Variants in DYNC2H1 observed in about 807,000 individuals in gnomAD.
The protein encoded by DYNC2H1 is dynein cytoplasmic 2 heavy chain 1.
A neutral mutation model predicts 570.0 loss-of-function variants in DYNC2H1; 410 were observed. The ratio of observed to expected loss-of-function variants is 0.72; its 90% CI spans 0.66 to 0.78. The LOEUF is 0.78. Ranked by LOEUF, DYNC2H1 falls within the 30% of genes least tolerant of loss-of-function variation. The pLI, the probability that DYNC2H1 is intolerant of heterozygous loss-of-function variation, is 0.00. For missense variants in DYNC2H1, 4,865 were observed against 5,046.4 expected, an observed-to-expected ratio of 0.96 and a Z score of 1.09; for synonymous variants, 1,688 against 1,677.6, an observed-to-expected ratio of 1.01 and a Z score of -0.15.
chr11:103,266,778 C>T (rs1273149353), intron 70 of DYNC2H1, among the ~76,000 whole-genome samples: 2 of 152,064 alleles, frequency 1.3e-5, no homozygotes, highest in African/African-American at 4.8e-5. Context: ...TGCAGGTCCC[C>T]TGGGCACCTG....
chr11:103,219,708 G>T (rs1372326398), intron 55 of DYNC2H1, among the ~76,000 whole-genome samples: 2 of 152,082 alleles, frequency 1.3e-5, no homozygotes, highest in African/African-American at 4.8e-5. Flanking sequence ...AAAAATTAAA[G>T]CACTGAAACC....
At chr11:103,300,199 C>A (rs1264396368) in intron 75 of DYNC2H1, among the ~76,000 whole-genome samples, 1 of 151,850 alleles carries the variant, frequency 6.6e-6, no homozygotes, top group Non-Finnish European at 1.5e-5. Flanking sequence ...TTTTGAACTG[C>A]AAGTTGTTTC....
At chr11:103,282,865 T>A (rs1252814889) in intron 72 of DYNC2H1, 143 bp from the exon 73 acceptor site, 6 of 592,482 alleles carry the variant, frequency 1.0e-5, no homozygotes, top group Admixed American at 7.0e-5. Flanking sequence ...TTTACCATGG[T>A]GACTTGTAAA....
At chr11:103,449,194 A>C (rs1944519526) in intron 85 of DYNC2H1, among the ~76,000 whole-genome samples, 1 of 152,218 alleles carries the variant, frequency 6.6e-6, no homozygotes, top group Admixed American at 6.5e-5. Flanking sequence ...GCCTGAAGGA[A>C]ACAAGACAGA....
In DYNC2H1 at chr11:103,311,950, GAT is replaced by G; in HGVS notation, c.11568_11569del (p.Asp3856GlufsTer34). ...SWTPEQISKK[D>X]NTHRAHALFS... ...GACTCCTGAGCAAATTAGCAAAAAA[GAT>G]AATACACATCGAGCTCATGCTCTCT... is the stretch of plus-strand genomic sequence containing the variant. On this transcript the variant is annotated frameshift_variant, in exon 79 of 89. Coordinates refer to ENST00000375735, the MANE Select transcript of DYNC2H1 (RefSeq NM_001377.3). LOFTEE classifies it high-confidence loss of function. 1 of 1,613,750 alleles carries G rather than the reference GAT, an allele frequency of 6.2e-7. No individual in the cohort carries two copies. The highest frequency in any genetic ancestry group is 8.5e-7 in the Non-Finnish European group (1 of 1,179,792).
intron 12 of DYNC2H1, 67 bp downstream of exon 12, chr11:103,125,362 A>T: frequency 8.4e-7 from 1 of 1,186,138 alleles, no homozygotes; most frequent in Non-Finnish European, 1.1e-6. Flanking sequence ...GAATATGCTA[A>T]AGGCTTTTTT....
At position 103,155,422 on chromosome 11, in the gene DYNC2H1, G is replaced by A. The variant is rs201194631; in HGVS notation, c.3665G>A (p.Gly1222Glu). ...TTTCGTCTCCTTGGACTTCCTAGGG[G>A]GACTAGTCTAGAGAAACTACTGTTT... is the stretch of plus-strand genomic sequence containing the variant. ...DLFRLLGLPR[G>E]TSLEKLLFGD... The change falls in exon 25 of 89, where the codon GGG becomes GAG. Residue 1222 changes from glycine (G) to glutamate (E), a missense_variant. Coordinates refer to ENST00000375735, the MANE Select transcript of DYNC2H1 (RefSeq NM_001377.3). 733 of 1,612,326 alleles carry A rather than the reference G, an allele frequency of 4.5e-4. No individual in the cohort carries two copies. The highest frequency in any genetic ancestry group is 5.9e-4 in the Non-Finnish European group (695 of 1,179,048).
intron 60 of DYNC2H1, among the ~76,000 whole-genome samples, chr11:103,233,830 A>ATATGTGTGTGTGTGTG (rs1555076328): frequency 1.3e-5 from 1 of 75,842 alleles, no homozygotes; most frequent in African/African-American, 4.0e-5. Context: ...GCTACACTTT[A>ATATGTGTGTGTGTGTG]TGTGTGTGTG....
intron 20 of DYNC2H1, among the ~76,000 whole-genome samples, chr11:103,149,811 G>C (rs991862588): frequency 2.1e-5 from 3 of 145,534 alleles, no homozygotes; most frequent in Non-Finnish European, 3.0e-5. Flanking sequence ...AGAGGATTGA[G>C]AGAGAGAGAG....
chr11:103,314,070 TTTA>T (rs1242067798), intron 79 of DYNC2H1, among the ~76,000 whole-genome samples: 1 of 152,138 alleles, frequency 6.6e-6, no homozygotes, highest in Admixed American at 6.6e-5. Context: ...AAATTTAGAT[TTTA>T]TTATTAAGTT....
chr11:103,312,472 G>A (rs1438159654), intron 79 of DYNC2H1, among the ~76,000 whole-genome samples: 1 of 144,712 alleles, frequency 6.9e-6, no homozygotes, highest in African/African-American at 2.6e-5. Context: ...AACCCAGGAG[G>A]CAGAGGTTGC....
intron 1 of DYNC2H1, among the ~76,000 whole-genome samples, chr11:103,111,128 A>G (rs900650319): frequency 6.6e-6 from 1 of 152,220 alleles, no homozygotes; most frequent in Admixed American, 6.5e-5. Context: ...GCCTGGCTTC[A>G]GTGCATTTTT....
chr11:103,479,373 G>A lies in DYNC2H1; in HGVS notation c.*120G>A. On this transcript the variant is annotated 3_prime_UTR_variant, in exon 89 of 89. Coordinates refer to ENST00000375735, the MANE Select transcript of DYNC2H1 (RefSeq NM_001377.3). ...GTTCAAAATATTAACATATAGTTAT[G>A]TTGTTGATGTCACTGAAATTTTAAT... is the stretch of plus-strand genomic sequence containing the variant. 3 of 1,166,962 alleles carry A rather than the reference G, an allele frequency of 2.6e-6. No individual in the cohort carries two copies. Among genetic ancestry groups the A allele is most frequent in the Admixed American group, 3.3e-5 (1 of 30,572 alleles). The allele number at this position is 1,166,962 out of a possible 1,614,324, so 72.3% of individuals were successfully genotyped here.
intron 13 of DYNC2H1, among the ~76,000 whole-genome samples, chr11:103,131,218 CT>C (rs1422175016): frequency 4.6e-5 from 7 of 152,080 alleles, no homozygotes; most frequent in African/African-American, 1.7e-4. Context: ...AATTTTTCCC[CT>C]AATCATCAAA....
intron 83 of DYNC2H1, among the ~76,000 whole-genome samples, chr11:103,360,342 A>G (rs542287729): frequency 6.6e-6 from 1 of 152,162 alleles, no homozygotes; most frequent in East Asian, 1.9e-4. Context: ...CAGTTCTAGA[A>G]CTTTCTAATT....
rs1470765501 is a variant in DYNC2H1 at position 103,311,859 on chromosome 11, C to A, written c.11494-19C>A. The A allele has an allele frequency of 6.3e-7, 1 of 1,592,900 alleles. No homozygotes were observed. On this transcript the variant is annotated intron_variant, in intron 78 of 88. Coordinates refer to ENST00000375735, the MANE Select transcript of DYNC2H1 (RefSeq NM_001377.3). ...TTGTAGGATTTTAGCAATAGGATGT[C>A]TGTTGATTTTTTTTCTAGTCACCTC...
intron 72 of DYNC2H1, among the ~76,000 whole-genome samples, chr11:103,282,544 T>C (rs1866182262): frequency 6.6e-6 from 1 of 151,858 alleles, no homozygotes; most frequent in African/African-American, 2.4e-5. Flanking sequence ...TGAAAATTTT[T>C]CTTATATACT....
intron 15 of DYNC2H1, among the ~76,000 whole-genome samples, chr11:103,134,970 T>A (rs1361316501): frequency 1.3e-5 from 2 of 152,172 alleles, no homozygotes; most frequent in Non-Finnish European, 2.9e-5. Flanking sequence ...TTTCAGTTTT[T>A]ATAACTTCAA....
chr11:103,141,781 C>G (rs1408957276), intron 17 of DYNC2H1, among the ~76,000 whole-genome samples: 1 of 152,218 alleles, frequency 6.6e-6, no homozygotes, highest in Non-Finnish European at 1.5e-5. Flanking sequence ...TTACTGCTGT[C>G]TTTTTGTTGT....
Sources: allele counts gnomAD v4.1 joint callset (sites outside exome capture counted in the v4.1 genomes callset), GRCh38; gene constraint gnomAD v4.1.1; transcripts MANE v1.5; gene names NCBI Gene and HGNC (gene_info 2026-07-23, HGNC 2026-07-21).